The following DAPK1 variants were observed in gnomAD, a reference collection of about 807,000 sequenced individuals.
DAPK1 encodes the protein death-associated protein kinase 1.
DAPK1 carries 56 observed loss-of-function variants against 144.9 expected under a neutral mutation model. The observed-to-expected ratio is 0.39, with a 90% CI of 0.31 to 0.48. The LOEUF is 0.48. Ranked by LOEUF, DAPK1 falls within the 20% of genes least tolerant of loss-of-function variation. The pLI is 0.95. For synonymous variants in DAPK1, 690 were observed against 749.0 expected (o/e 0.92, Z 1.29); for missense variants, 1,454 against 1,875.4 (o/e 0.78, Z 4.15).
At chr9:87,670,079 G>T (rs1301429383) in intron 19 of DAPK1, among the ~76,000 whole-genome samples, 3 of 152,082 alleles carry the variant, frequency 2.0e-5, no homozygotes, top group African/African-American at 7.2e-5. Flanking sequence ...TTACCATTAT[G>T]GGCTCAGTGA....
chr9:87,569,659 G>A lies in DAPK1; in HGVS notation c.63-35295G>A, dbSNP rs1650193679. Among the ~76,000 whole-genome samples the A allele has an allele frequency of 2.0e-5, 3 of 152,144 alleles. No individual in the cohort carries two copies. In the South Asian group the frequency reaches 6.2e-4, roughly 32 times the overall value. ...GGAAGTGGGTGCAGAACTGGATCCT[G>A]TCAGTGTCAATGCGGGTGCATCCGG... On this transcript the variant is annotated intron_variant, in intron 2 of 25. Coordinates refer to ENST00000408954, the MANE Select transcript of DAPK1 (RefSeq NM_004938.4).
intron 3 of DAPK1, among the ~76,000 whole-genome samples, chr9:87,614,170 T>A (rs1203707337): frequency 6.6e-6 from 1 of 152,214 alleles, no homozygotes; most frequent in Non-Finnish European, 1.5e-5. Flanking sequence ...CTTAATGTTA[T>A]TAAATAGGTA....
intron 2 of DAPK1, among the ~76,000 whole-genome samples, chr9:87,568,606 C>T (rs1197410442): frequency 6.6e-6 from 1 of 152,282 alleles, no homozygotes; most frequent in Admixed American, 6.5e-5. Flanking sequence ...GTGTGGGTGG[C>T]GTCACCTTGC....
intron 2 of DAPK1, among the ~76,000 whole-genome samples, chr9:87,531,657 C>G (rs1413957340): frequency 4.6e-5 from 7 of 152,178 alleles, no homozygotes; most frequent in Non-Finnish European, 1.0e-4. Context: ...GGGCATTGAA[C>G]TGTCACAACC....
intron 2 of DAPK1, among the ~76,000 whole-genome samples, chr9:87,504,601 C>T (rs1166541789): frequency 6.6e-6 from 1 of 152,166 alleles, no homozygotes. Flanking sequence ...GTATATGCCT[C>T]TGCAAAGCCA....
intron 11 of DAPK1, 43 bp downstream of exon 11, chr9:87,643,511 G>T: frequency 8.1e-7 from 1 of 1,232,030 alleles, no homozygotes. Context: ...CTTAGCACTG[G>T]GTACTCAGAA....
intron 2 of DAPK1, among the ~76,000 whole-genome samples, chr9:87,597,000 C>G (rs1302466609): frequency 6.6e-6 from 1 of 152,134 alleles, no homozygotes; most frequent in Admixed American, 6.5e-5. Context: ...CGTGCCTGGC[C>G]TCTCACAGCT....
chr9:87,640,256 G>C, intron 7 of DAPK1, 42 bp from the exon 8 acceptor site: 1 of 1,585,236 alleles, frequency 6.3e-7, no homozygotes, highest in South Asian at 1.2e-5. Flanking sequence ...CAACACCAAG[G>C]GGTCATCATT....
At chr9:87,513,971 T>C (rs1824951082) in intron 2 of DAPK1, among the ~76,000 whole-genome samples, 1 of 152,204 alleles carries the variant, frequency 6.6e-6, no homozygotes, top group Admixed American at 6.5e-5. Flanking sequence ...GCAGCATCCA[T>C]GGACTCTACC....
intron 3 of DAPK1, among the ~76,000 whole-genome samples, chr9:87,621,079 T>C (rs1430248983): frequency 6.6e-6 from 1 of 152,216 alleles, no homozygotes; most frequent in Non-Finnish European, 1.5e-5. Flanking sequence ...CACTGGAGGA[T>C]GGAGCTATAG....
In DAPK1 at chr9:87,707,242, T is replaced by C. The variant is rs1064221; in HGVS notation, c.4171T>C (p.Phe1391Leu). ...GCTGGGTCGCCGGGATGCCGCAGACTTTTTGCTGAAGGCATCCTCTGTGTT... is the reference window on the plus strand; with the variant it reads ...GCTGGGTCGCCGGGATGCCGCAGACCTTTTGCTGAAGGCATCCTCTGTGTT... Reference protein sequence around the residue: ...RELGRRDAADFLLKASSVFKI... With the variant: ...RELGRRDAADLLLKASSVFKI... The change falls in exon 26 of 26, where the codon TTT becomes CTT. Residue 1391 changes from phenylalanine to leucine, a missense_variant. Physicochemically the swap from Phe to Leu is conservative, Grantham distance 22. This residue lies in a region of DAPK1 where 1,025 missense variants were observed against 1,237.9 expected (regional missense o/e 0.83). Transcript: ENST00000408954. This position sits in a 1 kb window ranked among gnomAD's most constrained non-coding sequence, Gnocchi z 4.0. 1.2e-6 allele frequency: 2 copies of C among 1,614,150 alleles called. No individual in the cohort carries two copies. Among genetic ancestry groups the C allele is most frequent in the Non-Finnish European group, 8.5e-7 (1 of 1,180,018 alleles).
intron 2 of DAPK1, among the ~76,000 whole-genome samples, chr9:87,506,631 T>A (rs1288607048): frequency 6.6e-6 from 1 of 152,242 alleles, no homozygotes; most frequent in Admixed American, 6.5e-5. Context: ...AGCTTAGAGT[T>A]GGTGTGTGAT....
Position 87,620,910 on chromosome 9 carries a change from G to C in DAPK1, c.284+15735G>C, listed in dbSNP as rs374749847. On this transcript the variant is annotated intron_variant, in intron 3 of 25. Transcript: ENST00000408954. Reference sequence around the variant, plus strand: ...CTGCTTTTCCGTTTGCCCCACTTTTGATTGGCCTAATTATTTCTGTGGGTC... The same window carrying C: ...CTGCTTTTCCGTTTGCCCCACTTTTCATTGGCCTAATTATTTCTGTGGGTC... Among the ~76,000 whole-genome samples, 29 of 152,260 alleles carry C rather than the reference G, an allele frequency of 1.9e-4. No homozygotes were observed. The South Asian group carries it at 2.5e-3, about 13-fold the overall frequency.
chr9:87,523,273 C>T (rs1481038266), intron 2 of DAPK1, among the ~76,000 whole-genome samples: 4 of 152,062 alleles, frequency 2.6e-5, no homozygotes, highest in Non-Finnish European at 4.4e-5. Flanking sequence ...GGTTTTGTAT[C>T]ACAGTTAGAA....
At chr9:87,504,290 A>G (rs902163240) in intron 2 of DAPK1, among the ~76,000 whole-genome samples, 4 of 152,228 alleles carry the variant, frequency 2.6e-5, no homozygotes, top group African/African-American at 9.6e-5. Context: ...AGTGATTTTA[A>G]AAGTGTGTAC....
intron 3 of DAPK1, among the ~76,000 whole-genome samples, chr9:87,634,643 G>T (rs1252439758): frequency 1.3e-5 from 2 of 152,216 alleles, no homozygotes; most frequent in Non-Finnish European, 2.9e-5. Flanking sequence ...AGAGCATGAG[G>T]ATGAGATGCT....
At chr9:87,636,532 A>G (rs1007101725) in intron 3 of DAPK1, among the ~76,000 whole-genome samples, 6 of 152,234 alleles carry the variant, frequency 3.9e-5, no homozygotes, top group Non-Finnish European at 5.9e-5. Context: ...CTTCATTTTT[A>G]AAGCATCCTC....
intron 2 of DAPK1, among the ~76,000 whole-genome samples, chr9:87,592,816 C>T (rs1271767127): frequency 1.3e-5 from 2 of 152,146 alleles, no homozygotes; most frequent in Non-Finnish European, 2.9e-5. Flanking sequence ...ATCTGAGTGG[C>T]TGTCACTTCA....
chr9:87,611,606 G>C (rs1222155737), intron 3 of DAPK1, among the ~76,000 whole-genome samples: 1 of 152,188 alleles, frequency 6.6e-6, no homozygotes, highest in Non-Finnish European at 1.5e-5. Flanking sequence ...TTACAGGTGT[G>C]TGGCACCACA....
Sources: allele counts gnomAD v4.1 joint callset (sites outside exome capture counted in the v4.1 genomes callset), GRCh38; gene constraint gnomAD v4.1.1; regional missense constraint gnomAD v4.1.1; non-coding constraint Gnocchi (gnomAD v3.1); transcripts MANE v1.5; gene names NCBI Gene and HGNC (gene_info 2026-07-23, HGNC 2026-07-21).